Variants in ADARB1 observed in about 807,000 individuals in gnomAD.
The protein encoded by ADARB1 is double-stranded RNA-specific editase 1.
In ADARB1, 10 loss-of-function variants were observed where a neutral mutation model predicts 52.4. That is an observed-to-expected ratio of 0.19 (90% CI 0.12 to 0.32). The LOEUF (loss-of-function observed/expected upper bound fraction) is 0.32. Ranked by LOEUF, ADARB1 falls within the 10% of genes least tolerant of loss-of-function variation. The probability of loss-of-function intolerance (pLI) is 1.00; values close to 1 mark genes in which losing one functional copy is unlikely to be tolerated. For missense variants in ADARB1, 643 were observed against 922.3 expected (o/e 0.70, Z 3.92); for synonymous variants, 349 against 371.1 (o/e 0.94, Z 0.68).
rs536178653 is a variant in ADARB1 at position 45,168,541 on chromosome 21, C to T, written c.-47-3069C>T. ...GTTCATTTTTTTGGAACTCTAGTTGCCCCAATAAGGCTGTGCCTCTTCACG... is the reference window on the plus strand; with the variant it reads ...GTTCATTTTTTTGGAACTCTAGTTGTCCCAATAAGGCTGTGCCTCTTCACG... On this transcript the variant is annotated intron_variant, in intron 2 of 10. Transcript: ENST00000348831. Among the ~76,000 whole-genome samples the T allele has an allele frequency of 3.9e-5, 6 of 152,294 alleles. No homozygotes were observed. In the South Asian group the frequency reaches 1.2e-3, roughly 32 times the overall value.
chr21:45,143,472 G>A (rs2145907370), intron 2 of ADARB1, among the ~76,000 whole-genome samples: 1 of 152,310 alleles, frequency 6.6e-6, no homozygotes, highest in South Asian at 2.1e-4. Flanking sequence ...TTCAGGACAT[G>A]CCTCTTGTGC....
At chr21:45,164,555 T>G in intron 2 of ADARB1, among the ~76,000 whole-genome samples, 1 of 150,706 alleles carries the variant, frequency 6.6e-6, no homozygotes, top group Non-Finnish European at 1.5e-5. Context: ...TGGGGTGGGT[T>G]GGTGCCGTGT....
intron 1 of ADARB1, among the ~76,000 whole-genome samples, chr21:45,116,770 C>T (rs1486712174): frequency 2.0e-5 from 3 of 152,244 alleles, no homozygotes; most frequent in African/African-American, 7.2e-5. Context: ...ACGAAAACAG[C>T]ATGAGGGTAA....
At chr21:45,101,785 T>TA (rs776370502) in intron 1 of ADARB1, among the ~76,000 whole-genome samples, 5 of 152,268 alleles carry the variant, frequency 3.3e-5, no homozygotes, top group Non-Finnish European at 5.9e-5. Context: ...TGCTGACTAT[T>TA]ACGTGGGAGA....
In ADARB1 at chr21:45,225,053, G is replaced by A; in HGVS notation, c.*2856G>A. 1 of 975,628 alleles carries A rather than the reference G, an allele frequency of 1.0e-6. No homozygotes were observed. Among genetic ancestry groups the A allele is most frequent in the Non-Finnish European group, 1.2e-6 (1 of 827,612 alleles). The allele number at this position is 975,628 out of a possible 1,614,324, so 60.4% of individuals were successfully genotyped here. A position where few individuals can be genotyped will look rare whatever the true frequency, so the allele number is the denominator to read the frequency against. ...ATTTTGAGGACATTTTGACAAGTAG[G>A]GGAAGAGAGGGCTTCTGTTGTTTTG... On this transcript the variant is annotated 3_prime_UTR_variant, in exon 11 of 11. Transcript: ENST00000348831.
Position 45,162,471 on chromosome 21 carries a change from C to T in ADARB1, c.-47-9139C>T, listed in dbSNP as rs138344931. Among the ~76,000 whole-genome samples, 647 of 152,250 alleles carry T rather than the reference C, an allele frequency of 4.2e-3. 3 individuals carry two copies. Among genetic ancestry groups the T allele is most frequent in the African/African-American group, 0.015 (613 of 41,544 alleles). ...GGAAGTGTGAGCCGAGCGCAGCCTG[C>T]CAGGCTGTGTGGGCAGAATGAGCCC... On this transcript the variant is annotated intron_variant, in intron 2 of 10. Transcript: ENST00000348831.
At chr21:45,199,735 G>A (rs1476804414) in intron 8 of ADARB1, among the ~76,000 whole-genome samples, 1 of 152,168 alleles carries the variant, frequency 6.6e-6, no homozygotes, top group Non-Finnish European at 1.5e-5. Context: ...CACATATTTG[G>A]AAAAGAAAAG....
rs1213090004 is a variant in ADARB1 at position 45,157,906 on chromosome 21, G to A, written c.-47-13704G>A. Among the ~76,000 whole-genome samples, 1 of 152,200 alleles carries A rather than the reference G, an allele frequency of 6.6e-6. No individual in the cohort carries two copies. Among genetic ancestry groups the A allele is most frequent in the Non-Finnish European group, 1.5e-5 (1 of 68,030 alleles). On this transcript the variant is annotated intron_variant, in intron 2 of 10. Coordinates refer to ENST00000348831, the MANE Select transcript of ADARB1 (RefSeq NM_001112.4). The surrounding 1 kb of genome is among the most constrained non-coding windows in gnomAD (Gnocchi z 4.1). ...GGTGAGAAAGAATACAGAGAAGCAC[G>A]CAGGAAGCTGTGTGAGTTGGCCCAG...
At position 45,224,845 on chromosome 21, in the gene ADARB1, G is replaced by T; in HGVS notation, c.*2648G>T. On this transcript the variant is annotated 3_prime_UTR_variant, in exon 11 of 11. Transcript: ENST00000348831. ...CAAAATACAGAACGCTGACTCCTCC[G>T]TGAGACAGATCGGGGACCTTAGCAC... The T allele has an allele frequency of 2.0e-6, 2 of 985,824 alleles. No homozygotes were observed. The highest frequency in any genetic ancestry group is 2.4e-6 in the Non-Finnish European group (2 of 829,934). 61.1% of individuals were successfully genotyped at this position (985,824 alleles called of 1,614,324 possible).
intron 1 of ADARB1, among the ~76,000 whole-genome samples, chr21:45,098,136 C>T (rs1476403467): frequency 6.6e-6 from 1 of 152,198 alleles, no homozygotes; most frequent in Non-Finnish European, 1.5e-5. Context: ...CTTTCCACGT[C>T]TCCCTGCTGT....
intron 2 of ADARB1, among the ~76,000 whole-genome samples, chr21:45,147,615 C>T (rs2090070285): frequency 6.6e-6 from 1 of 152,222 alleles, no homozygotes; most frequent in Admixed American, 6.5e-5. Flanking sequence ...TTATCTGTCT[C>T]AGGCCAGGCC....
intron 9 of ADARB1, among the ~76,000 whole-genome samples, chr21:45,210,710 G>A (rs766616359): frequency 1.3e-5 from 2 of 152,194 alleles, no homozygotes; most frequent in African/African-American, 2.4e-5. Flanking sequence ...CTGTCCCTAG[G>A]ACAAGTACAG....
intron 9 of ADARB1, among the ~76,000 whole-genome samples, chr21:45,209,288 A>ACC (rs1173062811): frequency 6.6e-6 from 1 of 152,102 alleles, no homozygotes; most frequent in Non-Finnish European, 1.5e-5. Context: ...ATGATCAACA[A>ACC]TTGTTTAGAT....
intron 2 of ADARB1, among the ~76,000 whole-genome samples, chr21:45,137,637 C>A (rs2089467533): frequency 6.6e-6 from 1 of 152,196 alleles, no homozygotes; most frequent in African/African-American, 2.4e-5. Flanking sequence ...TCTGCCTTGC[C>A]CCTGATTGAG....
At position 45,128,855 on chromosome 21, in the gene ADARB1, T is replaced by C. The variant is rs955910883; in HGVS notation, c.-48+282T>C. ...GTGGCATGTGTGGCACTTGCTGCCC[T>C]CTTTGGGGTCAGTTCACCATTTATT... On this transcript the variant is annotated intron_variant, in intron 2 of 10. Transcript: ENST00000348831. The surrounding 1 kb of genome is among the most constrained non-coding windows in gnomAD (Gnocchi z 4.6). Among the ~76,000 whole-genome samples the C allele has an allele frequency of 1.3e-5, 2 of 152,212 alleles. No individual in the cohort carries two copies. The highest frequency in any genetic ancestry group is 2.4e-5 in the African/African-American group (1 of 41,462).
At chr21:45,206,359 A>G (rs2092664919) in intron 9 of ADARB1, among the ~76,000 whole-genome samples, 2 of 152,272 alleles carry the variant, frequency 1.3e-5, no homozygotes, top group African/African-American at 4.8e-5. Flanking sequence ...CTGCAAAGAC[A>G]GAATCATTTT....
intron 2 of ADARB1, among the ~76,000 whole-genome samples, chr21:45,153,658 A>C (rs2090416892): frequency 6.6e-6 from 1 of 152,238 alleles, no homozygotes; most frequent in African/African-American, 2.4e-5. Flanking sequence ...AGTACCTTGT[A>C]ATATAACAAA....
Position 45,223,063 on chromosome 21 carries a change from T to C in ADARB1, c.*866T>C, listed in dbSNP as rs980615609. Reference sequence around the variant, plus strand: ...GGTTTTTTAAAGGATATTTAACTTTTATGGACTAGAAGGAATCACGAGGGC... The same window carrying C: ...GGTTTTTTAAAGGATATTTAACTTTCATGGACTAGAAGGAATCACGAGGGC... On this transcript the variant is annotated 3_prime_UTR_variant, in exon 11 of 11. Coordinates refer to ENST00000348831, the MANE Select transcript of ADARB1 (RefSeq NM_001112.4). 3 of 985,342 alleles carry C rather than the reference T, an allele frequency of 3.0e-6. No homozygotes were observed. Among genetic ancestry groups the C allele is most frequent in the African/African-American group, 3.5e-5 (2 of 57,244 alleles). The allele number at this position is 985,342 out of a possible 1,614,324, so 61.0% of individuals were successfully genotyped here.
intron 1 of ADARB1, among the ~76,000 whole-genome samples, chr21:45,087,080 G>A (rs979328377): frequency 2.6e-5 from 4 of 152,120 alleles, no homozygotes; most frequent in Non-Finnish European, 5.9e-5. Context: ...AGTTCTTACC[G>A]GGTGTTTGAT....
Sources: gnomAD v4.1 joint callset for allele counts (sites outside exome capture counted in the v4.1 genomes callset) on GRCh38, gnomAD v4.1.1 for gene constraint, Gnocchi (gnomAD v3.1) non-coding constraint, MANE v1.5 for transcripts, NCBI Gene and HGNC (gene_info 2026-07-23, HGNC 2026-07-21) for gene names.